The following KMT2C variants were observed in gnomAD, a reference collection of about 807,000 sequenced individuals.
KMT2C encodes the protein histone-lysine N-methyltransferase 2C.
KMT2C carries 88 observed loss-of-function variants against 507.9 expected under a neutral mutation model. The ratio of observed to expected loss-of-function variants is 0.17; its 90% CI spans 0.15 to 0.21. The LOEUF is 0.21. Among genes scored for constraint, KMT2C ranks in the 10% least tolerant of loss-of-function variants. The pLI is 1.00. For missense variants in KMT2C, 4,954 were observed against 5,957.8 expected, an observed-to-expected ratio of 0.83 and a Z score of 5.55; for synonymous variants, 2,049 against 2,080.8, an observed-to-expected ratio of 0.98 and a Z score of 0.42.
chr7:152,338,711 A>G (rs1395319687), intron 2 of KMT2C, among the ~76,000 whole-genome samples: 1 of 152,206 alleles, frequency 6.6e-6, no homozygotes, highest in East Asian at 1.9e-4. Flanking sequence ...GGGATACAAA[A>G]TCGGGTTGTG....
intron 2 of KMT2C, among the ~76,000 whole-genome samples, chr7:152,336,697 T>C (rs1386629430): frequency 6.6e-6 from 1 of 152,218 alleles, no homozygotes; most frequent in African/African-American, 2.4e-5. Flanking sequence ...TAGCTCAAAC[T>C]GCCTGCAAGC....
At chr7:152,381,962 C>T (rs576731130) in intron 1 of KMT2C, among the ~76,000 whole-genome samples, 24 of 152,284 alleles carry the variant, frequency 1.6e-4, no homozygotes, top group Non-Finnish European at 2.6e-4. Flanking sequence ...GTCTCCTTCC[C>T]TCCCAAGCTA....
At chr7:152,223,201 T>C (rs1163929709) in intron 20 of KMT2C, among the ~76,000 whole-genome samples, 2 of 152,178 alleles carry the variant, frequency 1.3e-5, no homozygotes. Flanking sequence ...TAATAATATA[T>C]GTTCACTTCT....
In KMT2C at chr7:152,329,043, C is replaced by T. The variant is rs77184345; in HGVS notation, c.389+1558G>A. ...CTGGAGTTCAGGTAAAGAAGAGTAA[C>T]GGAAATGAACACGTGAGACTCTTAA... On this transcript the variant is annotated intron_variant, in intron 3 of 58. Transcript: ENST00000262189. Among the ~76,000 whole-genome samples the T allele has an allele frequency of 5.6e-3, 851 of 151,886 alleles. 8 individuals are homozygous for T. Among genetic ancestry groups the T allele is most frequent in the Non-Finnish European group, 8.8e-3 (598 of 67,976 alleles).
intron 6 of KMT2C, among the ~76,000 whole-genome samples, chr7:152,304,425 T>C (rs1172741077): frequency 1.3e-5 from 2 of 152,240 alleles, no homozygotes; most frequent in Non-Finnish European, 2.9e-5. Context: ...GAAAATTCCA[T>C]GTTCAAGTTT....
intron 9 of KMT2C, among the ~76,000 whole-genome samples, chr7:152,253,514 C>CAAA (rs71198770): frequency 0.017 from 677 of 39,468 alleles, 47 homozygotes; most frequent in East Asian, 0.026. Context: ...TCTTTCTCTA[C>CAAA]AAAAAAAAAA....
At chr7:152,297,027 A>AAGAAAGAAAGAAAGAAAGACAGAC (rs2096509291) in intron 6 of KMT2C, among the ~76,000 whole-genome samples, 1 of 96,452 alleles carries the variant, frequency 1.0e-5, no homozygotes, top group African/African-American at 5.4e-5. Context: ...GAAAGAAAGA[A>AAGAAAGAAAGAAAGAAAGACAGAC]AGAAAGAAAG....
At chr7:152,343,180 T>C (rs2097015166) in intron 2 of KMT2C, among the ~76,000 whole-genome samples, 1 of 152,100 alleles carries the variant, frequency 6.6e-6, no homozygotes, top group South Asian at 2.1e-4. Flanking sequence ...TTTGAAATGA[T>C]CAGATGAGGA....
chr7:152,387,696 C>A (rs2097444381), intron 1 of KMT2C, among the ~76,000 whole-genome samples: 1 of 152,212 alleles, frequency 6.6e-6, no homozygotes, highest in Non-Finnish European at 1.5e-5. Context: ...TGGTCTCGAT[C>A]TCCTGACCTC....
intron 8 of KMT2C, 112 bp downstream of exon 8, chr7:152,264,926 G>A: frequency 1.7e-5 from 22 of 1,312,760 alleles, no homozygotes; most frequent in Non-Finnish European, 2.2e-5. Context: ...GTCACTGAAT[G>A]AATATAGCTA....
rs545156378 is a variant in KMT2C at position 152,136,449 on chromosome 7, C to G, written c.*383G>C. On this transcript the variant is annotated 3_prime_UTR_variant, in exon 59 of 59. Coordinates refer to ENST00000262189, the MANE Select transcript of KMT2C (RefSeq NM_170606.3). ...TTCATAGGAAGGCCCCTGCCCGGGG[C>G]AGGGCAGCCATCGGCTCTTTGCCCC... 2.0e-4 allele frequency: 50 copies of G among 252,526 alleles called. No homozygotes were observed. The highest frequency in any genetic ancestry group is 1.0e-3 in the African/African-American group (47 of 45,544). The allele number at this position is 252,526 out of a possible 1,614,324, so 15.6% of individuals were successfully genotyped here.
intron 35 of KMT2C, 37 bp downstream of exon 35, chr7:152,182,937 G>A: frequency 6.8e-7 from 1 of 1,472,312 alleles, no homozygotes; most frequent in Admixed American, 2.3e-5. Context: ...AAACAAAAAT[G>A]CAACTTCAAA....
At chr7:152,169,368 A>G in intron 40 of KMT2C, 119 bp from the exon 41 acceptor site, 8 of 645,516 alleles carry the variant, frequency 1.2e-5, no homozygotes, top group Non-Finnish European at 1.6e-5. Flanking sequence ...ATTTCCTAAG[A>G]TATCTTTTAA....
chr7:152,426,111 TGCTGACCTA>T (rs2097815064), intron 1 of KMT2C, among the ~76,000 whole-genome samples: 7 of 152,180 alleles, frequency 4.6e-5, no homozygotes, highest in Admixed American at 4.6e-4. Context: ...TAGAGATTTC[TGCTGACCTA>T]GCTTTTTAAA....
chr7:152,376,562 T>G (rs770186017), intron 1 of KMT2C, among the ~76,000 whole-genome samples: 3 of 152,220 alleles, frequency 2.0e-5, no homozygotes, highest in Admixed American at 6.5e-5. Context: ...AAACCAGCCA[T>G]AACATTCCCT....
At position 152,252,049 on chromosome 7, in the gene KMT2C, A is replaced by G; in HGVS notation, c.1511T>C (p.Leu504Pro). 1 of 1,612,122 alleles carries G rather than the reference A, an allele frequency of 6.2e-7. No individual in the cohort carries two copies. The highest frequency in any genetic ancestry group is 8.5e-7 in the Non-Finnish European group (1 of 1,178,916). Residue 504 changes from leucine (L) to proline (P), a missense_variant, in exon 11 of 59, where the codon CTG becomes CCG. Around this residue, in one of 29 missense-constraint regions of KMT2C, gnomAD observed 376 missense variants for 352.4 expected, o/e 1.07. Transcript: ENST00000262189. ...LECDKPTDHELDTQLKEEYIC... is the reference protein window; with the variant it reads ...LECDKPTDHEPDTQLKEEYIC... ...ATACTCTTCTTTGAGCTGAGTATCC[A>G]GTTCATGATCTGTTGGTTTGTCACA...
rs1450391221 is a variant in KMT2C, at chr7:152,201,227, T to C, written c.4092+1707A>G. Among the ~76,000 whole-genome samples, 4 of 151,664 alleles carry C rather than the reference T, an allele frequency of 2.6e-5. No homozygotes were observed. In the East Asian group the frequency reaches 7.8e-4, roughly 29 times the overall value. ...ACATAAAGAGGGGGCTCCATCCATA[T>C]CGTCTCTAAAAGTCCAAGAAAACTA... On this transcript the variant is annotated intron_variant, in intron 26 of 58. Transcript: ENST00000262189.
intron 51 of KMT2C, among the ~76,000 whole-genome samples, chr7:152,149,511 G>C (rs575214423): frequency 6.6e-6 from 1 of 152,338 alleles, no homozygotes; most frequent in East Asian, 1.9e-4. Context: ...TGTCAGAAGA[G>C]CTAATATAAT....
chr7:152,418,307 G>C (rs1185417686), intron 1 of KMT2C, among the ~76,000 whole-genome samples: 1 of 152,096 alleles, frequency 6.6e-6, no homozygotes. Flanking sequence ...ACCAAAATAT[G>C]AAAAAGGCTT....
Sources: gnomAD v4.1 joint callset for allele counts (sites outside exome capture counted in the v4.1 genomes callset) on GRCh38, gnomAD v4.1.1 for gene constraint, gnomAD v4.1.1 regional missense constraint, MANE v1.5 for transcripts, NCBI Gene and HGNC (gene_info 2026-07-23, HGNC 2026-07-21) for gene names.